The following JAM2 variants were observed in gnomAD, a reference collection of about 807,000 sequenced individuals.
The protein encoded by JAM2 is junctional adhesion molecule 2.
Under a neutral mutation model 42.0 loss-of-function variants are expected in JAM2, and 17 were observed. The observed-to-expected ratio is 0.40, with a 90% CI of 0.28 to 0.61. The LOEUF is 0.61. Among genes scored for constraint, JAM2 ranks in the 20% least tolerant of loss-of-function variants. JAM2 has a pLI of 0.37. For missense variants in JAM2, 319 were observed against 358.3 expected, an observed-to-expected ratio of 0.89 and a Z score of 0.89; for synonymous variants, 118 against 128.6, an observed-to-expected ratio of 0.92 and a Z score of 0.56.
intron 6 of JAM2, 42 bp downstream of exon 6, chr21:25,702,311 G>T: frequency 7.7e-7 from 1 of 1,305,802 alleles, no homozygotes; most frequent in Non-Finnish European, 1.1e-6. Context: ...TTTGCAATTC[G>T]ACTGTGAAGT....
chr21:25,711,115 T>C (rs2034374519), intron 8 of JAM2, among the ~76,000 whole-genome samples: 1 of 152,180 alleles, frequency 6.6e-6, no homozygotes, highest in South Asian at 2.1e-4. Flanking sequence ...GTGGAAGATT[T>C]TAAGAGGAGA....
chr21:25,713,689 C>T (rs2034426761), intron 9 of JAM2, among the ~76,000 whole-genome samples: 1 of 152,168 alleles, frequency 6.6e-6, no homozygotes, highest in Non-Finnish European at 1.5e-5. Context: ...TGGTTTACTA[C>T]ACTGAAAGCT....
chr21:25,643,441 C>T (rs1258221044), intron 1 of JAM2: 1 of 152,198 alleles, frequency 6.6e-6, no homozygotes. Context: ...TGAGTCTAAT[C>T]TCTCATCAAC....
At chr21:25,650,351 C>T (rs1025086111) in intron 1 of JAM2, among the ~76,000 whole-genome samples, 1 of 152,176 alleles carries the variant, frequency 6.6e-6, no homozygotes, top group African/African-American at 2.4e-5. Flanking sequence ...GACACTTGCT[C>T]ATTAGCACTT....
Position 25,639,901 on chromosome 21 carries a change from G to C in JAM2, c.67+13G>C, listed in dbSNP as rs372328989. On this transcript the variant is annotated intron_variant, in intron 1 of 9. Transcript: ENST00000480456. ...GTCGCCCTGGGCTGTAAGTTGCTCG[G>C]GTTCCTCTACCCTTCCTGCCTGGAC... 4 of 1,574,776 alleles carry C rather than the reference G, an allele frequency of 2.5e-6. No individual in the cohort carries two copies. The highest frequency in any genetic ancestry group is 2.7e-5 in the African/African-American group (2 of 74,158).
At chr21:25,652,348 T>A (rs2032805205) in intron 1 of JAM2, among the ~76,000 whole-genome samples, 1 of 152,144 alleles carries the variant, frequency 6.6e-6, no homozygotes, top group Admixed American at 6.6e-5. Context: ...GCTGTGATTG[T>A]GCTACTGCAC....
intron 1 of JAM2, among the ~76,000 whole-genome samples, chr21:25,641,607 A>C (rs1187103038): frequency 1.4e-5 from 2 of 147,594 alleles, no homozygotes; most frequent in East Asian, 3.9e-4. Context: ...TTTTTTTTTT[A>C]TGTTTAAAAC....
chr21:25,672,624 G>A (rs2033386963), intron 1 of JAM2, among the ~76,000 whole-genome samples: 1 of 152,182 alleles, frequency 6.6e-6, no homozygotes, highest in Non-Finnish European at 1.5e-5. Flanking sequence ...TCAGATTAAA[G>A]AGCAATGAAT....
chr21:25,705,804 A>C (rs1234170540), intron 6 of JAM2, among the ~76,000 whole-genome samples, 175 bp from the exon 7 acceptor site: 3 of 152,230 alleles, frequency 2.0e-5, no homozygotes, highest in African/African-American at 7.2e-5. Context: ...TAATATTTTT[A>C]ATCAATTTTG....
intron 1 of JAM2, among the ~76,000 whole-genome samples, chr21:25,654,647 CAAAAAAA>C (rs34222589): frequency 1.1e-5 from 1 of 91,612 alleles, no homozygotes; most frequent in African/African-American, 4.2e-5. Flanking sequence ...GACTTTCTCT[CAAAAAAA>C]AAAAAAAAAA....
At chr21:25,698,621 TAAAC>T (rs1021130159) in intron 4 of JAM2, 52 bp from the exon 5 acceptor site, 21 of 1,469,958 alleles carry the variant, frequency 1.4e-5, no homozygotes, top group African/African-American at 9.8e-5. Context: ...TTGAAGAAAA[TAAAC>T]AACCTTGATT....
rs777367373 is a variant in JAM2, at chr21:25,712,225, A to G, written c.822-115A>G. The G allele has an allele frequency of 1.3e-5, 10 of 746,398 alleles. No individual in the cohort carries two copies. The Admixed American group carries it at 1.7e-4, about 12-fold the overall frequency. The allele number at this position is 746,398 out of a possible 1,614,324, so 46.2% of individuals were successfully genotyped here. The stretch of plus-strand genomic sequence containing the variant: ...TTGTCTTTTTTTCTACCTAAGATAT[A>G]TGTTCATGTTCTTGCTGAGAAAATG... On this transcript the variant is annotated intron_variant, in intron 8 of 9. Transcript: ENST00000480456.
intron 9 of JAM2, among the ~76,000 whole-genome samples, chr21:25,712,763 C>G (rs1042411091): frequency 3.9e-5 from 6 of 152,134 alleles, no homozygotes; most frequent in African/African-American, 1.4e-4. Context: ...CTCTTTTCTT[C>G]CCTGTAGCTT....
chr21:25,692,347 C>T (rs942934195), intron 3 of JAM2: 3 of 166,416 alleles, frequency 1.8e-5, no homozygotes, highest in African/African-American at 7.2e-5. Context: ...TGCTCTGTCA[C>T]CTCATTTTTG....
chr21:25,708,196 T>A (rs1223659316), intron 7 of JAM2, among the ~76,000 whole-genome samples: 2 of 152,154 alleles, frequency 1.3e-5, no homozygotes, highest in Non-Finnish European at 2.9e-5. Flanking sequence ...TAAAATGTGT[T>A]CCTAATAATA....
At chr21:25,659,968 G>A (rs1159644181) in intron 1 of JAM2, among the ~76,000 whole-genome samples, 1 of 152,148 alleles carries the variant, frequency 6.6e-6, no homozygotes, top group Non-Finnish European at 1.5e-5. Flanking sequence ...GTCACCCAGA[G>A]TGCAGTGGTG....
intron 1 of JAM2, among the ~76,000 whole-genome samples, chr21:25,665,117 G>T (rs1423787374): frequency 6.6e-6 from 1 of 152,168 alleles, no homozygotes; most frequent in Non-Finnish European, 1.5e-5. Context: ...CTTAAGAGGG[G>T]TCTTGAGGGT....
chr21:25,639,616 T>A lies in JAM2; in HGVS notation c.-206T>A. ...ACAGAACAGACCCCCATCCCTGGGC[T>A]GGAGGACCCGCCTCTTGGCAGCCAG... is the stretch of plus-strand genomic sequence containing the variant. On this transcript the variant is annotated 5_prime_UTR_variant, in exon 1 of 10. Coordinates refer to ENST00000480456, the MANE Select transcript of JAM2 (RefSeq NM_021219.4). 1.9e-6 allele frequency: 1 copy of A among 526,500 alleles called. No homozygotes were observed. The highest frequency in any genetic ancestry group is 3.4e-6 in the Non-Finnish European group (1 of 296,938). The allele number at this position is 526,500 out of a possible 1,614,324, so 32.6% of individuals were successfully genotyped here. A position where few individuals can be genotyped will look rare whatever the true frequency, so the allele number is the denominator to read the frequency against.
At chr21:25,680,366 GAAA>G (rs1487899225) in intron 1 of JAM2, among the ~76,000 whole-genome samples, 1 of 152,206 alleles carries the variant, frequency 6.6e-6, no homozygotes, top group African/African-American at 2.4e-5. Context: ...GAGATGGAAG[GAAA>G]AATACTTCAG....
Sources: allele counts gnomAD v4.1 joint callset (sites outside exome capture counted in the v4.1 genomes callset), GRCh38; gene constraint gnomAD v4.1.1; transcripts MANE v1.5; gene names NCBI Gene and HGNC (gene_info 2026-07-23, HGNC 2026-07-21).